ZNF385D: variants seen among roughly 807,000 people sequenced by gnomAD.
ZNF385D encodes the protein zinc finger protein 659.
Under a neutral mutation model 35.8 loss-of-function variants are expected in ZNF385D, and 15 were observed. The observed-to-expected ratio is 0.42, with a 90% confidence interval of 0.28 to 0.64. The LOEUF (loss-of-function observed/expected upper bound fraction) is 0.64. Ranked by LOEUF, ZNF385D falls within the 30% of genes least tolerant of loss-of-function variation. The pLI, the probability that ZNF385D is intolerant of heterozygous loss-of-function variation, is 0.23. For synonymous variants in ZNF385D, 212 were observed against 186.8 expected (o/e 1.13, Z -1.10); for missense variants, 474 against 494.6 (o/e 0.96, Z 0.39).
At chr3:22,141,697 G>C (rs1452121327) in intron 3 of ZNF385D, among the ~76,000 whole-genome samples, 1 of 152,116 alleles carries the variant, frequency 6.6e-6, no homozygotes. Context: ...AGCACATCAA[G>C]AATCAGAAAT....
intron 2 of ZNF385D, among the ~76,000 whole-genome samples, chr3:22,260,884 T>G (rs541112832): frequency 2.0e-5 from 3 of 152,148 alleles, no homozygotes; most frequent in Non-Finnish European, 4.4e-5. Flanking sequence ...ATGGTAACAG[T>G]TTTAGTAGAA....
At chr3:22,358,695 T>C (rs1358931470) in intron 2 of ZNF385D, among the ~76,000 whole-genome samples, 1 of 151,600 alleles carries the variant, frequency 6.6e-6, no homozygotes, top group Non-Finnish European at 1.5e-5. Flanking sequence ...TAATGGTCTT[T>C]ATTTCATCTG....
At chr3:22,167,040 G>A (rs183636562) in intron 3 of ZNF385D, among the ~76,000 whole-genome samples, 148 of 152,348 alleles carry the variant, frequency 9.7e-4, no homozygotes, top group African/African-American at 3.3e-3. Flanking sequence ...GCTAGTGATA[G>A]CGGTAGGAAG....
chr3:22,158,160 C>A (rs1443628294), intron 3 of ZNF385D, among the ~76,000 whole-genome samples: 1 of 152,058 alleles, frequency 6.6e-6, no homozygotes, highest in Admixed American at 6.6e-5. Flanking sequence ...CGGTTTATAA[C>A]CCCCAGATTC....
chr3:22,163,428 T>C (rs554032005), intron 3 of ZNF385D, among the ~76,000 whole-genome samples: 8 of 152,328 alleles, frequency 5.3e-5, no homozygotes, highest in Admixed American at 1.3e-4. Flanking sequence ...ACTGTGATCT[T>C]CAGAAGATCA....
chr3:21,920,757 A>G (rs769658894), intron 3 of ZNF385D, among the ~76,000 whole-genome samples: 12 of 152,300 alleles, frequency 7.9e-5, no homozygotes, highest in South Asian at 2.1e-4. Flanking sequence ...TCTTAAAACT[A>G]AAGTCAAGAA....
At chr3:21,969,060 C>A (rs1268379153) in intron 3 of ZNF385D, among the ~76,000 whole-genome samples, 1 of 152,084 alleles carries the variant, frequency 6.6e-6, no homozygotes, top group African/African-American at 2.4e-5. Flanking sequence ...CTTGAGTGAA[C>A]ATTAATAACA....
intron 2 of ZNF385D, among the ~76,000 whole-genome samples, chr3:22,344,990 T>A (rs1441560172): frequency 6.6e-6 from 1 of 152,168 alleles, no homozygotes; most frequent in East Asian, 1.9e-4. Flanking sequence ...CCTATATGAT[T>A]CAGTCATGGG....
chr3:21,780,427 G>A (rs992686998), intron 3 of ZNF385D, among the ~76,000 whole-genome samples: 2 of 151,754 alleles, frequency 1.3e-5, no homozygotes, highest in Admixed American at 6.6e-5. Flanking sequence ...TTTCTACTGC[G>A]CAGCCCTCAC....
intron 2 of ZNF385D, among the ~76,000 whole-genome samples, chr3:22,364,701 T>A (rs777564574): frequency 2.0e-5 from 3 of 152,094 alleles, no homozygotes; most frequent in Non-Finnish European, 2.9e-5. Flanking sequence ...CCTCTAAGTA[T>A]TAGAAGTATT....
At chr3:21,655,785 T>C (rs1018453660) in intron 2 of ZNF385D, among the ~76,000 whole-genome samples, 7 of 152,054 alleles carry the variant, frequency 4.6e-5, no homozygotes, top group Non-Finnish European at 7.4e-5. Flanking sequence ...ATCTGAAATC[T>C]AGCCATGATT....
chr3:22,167,345 G>A (rs773113295), intron 3 of ZNF385D, among the ~76,000 whole-genome samples: 2 of 151,946 alleles, frequency 1.3e-5, no homozygotes, highest in African/African-American at 2.4e-5. Context: ...CTCCTATTCT[G>A]AGCCCATAAA....
chr3:22,002,617 CACA>C lies in ZNF385D; in HGVS notation c.325+166197_325+166199del, dbSNP rs575845506. 1.2e-4 allele frequency among the ~76,000 whole-genome samples: 18 copies of C among 152,200 alleles called. No homozygotes were observed. The South Asian group carries it at 3.7e-3, about 32-fold the overall frequency. On this transcript the variant is annotated intron_variant, in intron 3 of 5. Transcript: ENST00000494108. The stretch of plus-strand genomic sequence containing the variant: ...TTCTGACACCAAAACCAGACAAGGG[CACA>C]ACAACAACTACTACAACCCTCAAAT...
At chr3:21,681,195 G>A (rs905207121) in intron 1 of ZNF385D, among the ~76,000 whole-genome samples, 8 of 143,344 alleles carry the variant, frequency 5.6e-5, no homozygotes, top group Non-Finnish European at 1.2e-4. Flanking sequence ...GTCCTTCCCT[G>A]ATAACGTAGG....
At chr3:21,430,245 A>G (rs1701231164) in intron 5 of ZNF385D, among the ~76,000 whole-genome samples, 1 of 151,804 alleles carries the variant, frequency 6.6e-6, no homozygotes, top group Non-Finnish European at 1.5e-5. Context: ...CCAAATAAGA[A>G]AAAAAAAATT....
rs2630813 is a variant in ZNF385D at position 21,883,172 on chromosome 3, T to A, written c.326-218144A>T. 2.0e-5 allele frequency among the ~76,000 whole-genome samples: 3 copies of A among 151,898 alleles called. No individual in the cohort carries two copies. In the East Asian group the frequency reaches 5.8e-4, roughly 29 times the overall value. ...TATTTTGTTCAAAGTTATGACAATG[T>A]CTTGGTAGCTTGTCTTCTCATCAAG... On this transcript the variant is annotated intron_variant, in intron 3 of 5. Transcript: ENST00000494108.
At chr3:22,180,325 G>A (rs1695151606) in intron 2 of ZNF385D, among the ~76,000 whole-genome samples, 1 of 152,210 alleles carries the variant, frequency 6.6e-6, no homozygotes, top group African/African-American at 2.4e-5. Flanking sequence ...TACAGGACAA[G>A]ACGGATTCAC....
At chr3:22,024,501 T>G (rs1697419430) in intron 3 of ZNF385D, among the ~76,000 whole-genome samples, 1 of 152,082 alleles carries the variant, frequency 6.6e-6, no homozygotes, top group Non-Finnish European at 1.5e-5. Context: ...CTAAGGACTC[T>G]ACTTCTAATA....
At chr3:22,232,732 G>C (rs1487481507) in intron 2 of ZNF385D, among the ~76,000 whole-genome samples, 2 of 152,114 alleles carry the variant, frequency 1.3e-5, no homozygotes, top group Non-Finnish European at 2.9e-5. Flanking sequence ...CCTTTTTAAT[G>C]GCTGCATAGT....
Sources: gnomAD v4.1 joint callset for allele counts (sites outside exome capture counted in the v4.1 genomes callset) on GRCh38, gnomAD v4.1.1 for gene constraint, MANE v1.5 for transcripts, NCBI Gene and HGNC (gene_info 2026-07-23, HGNC 2026-07-21) for gene names.